PARD3: variants seen among roughly 807,000 people sequenced by gnomAD.
PARD3 encodes the protein par-3 family cell polarity regulator, also known as partitioning defective 3 homolog.
In PARD3, 75 loss-of-function variants were observed where a neutral mutation model predicts 155.4. That is an observed-to-expected ratio of 0.48 (90% CI 0.40 to 0.58). The LOEUF (loss-of-function observed/expected upper bound fraction) is 0.58, where lower values mean the gene tolerates loss of function less well. PARD3 is among the 20% of genes least tolerant of loss of function. PARD3 has a pLI of 0.00. For missense variants in PARD3, 1,642 were observed against 1,721.7 expected (o/e 0.95, Z 0.82); for synonymous variants, 576 against 610.5 (o/e 0.94, Z 0.83).
chr10:34,740,364 A>G (rs2094986826), intron 1 of PARD3, among the ~76,000 whole-genome samples: 1 of 152,230 alleles, frequency 6.6e-6, no homozygotes, highest in African/African-American at 2.4e-5. Flanking sequence ...AAAATGGATC[A>G]GTGCATCTGG....
At chr10:34,627,163 G>A (rs2092019211) in intron 2 of PARD3, among the ~76,000 whole-genome samples, 1 of 151,976 alleles carries the variant, frequency 6.6e-6, no homozygotes, top group Admixed American at 6.6e-5. Context: ...AAGTAGCTGG[G>A]ACCACAGGCA....
At chr10:34,575,200 C>G (rs1454446361) in intron 2 of PARD3, among the ~76,000 whole-genome samples, 1 of 152,186 alleles carries the variant, frequency 6.6e-6, no homozygotes, top group Non-Finnish European at 1.5e-5. Context: ...TGCACAAATT[C>G]TTAAACCAGA....
intron 14 of PARD3, among the ~76,000 whole-genome samples, chr10:34,355,708 C>G (rs1336287269): frequency 6.6e-6 from 1 of 152,002 alleles, no homozygotes; most frequent in Non-Finnish European, 1.5e-5. Flanking sequence ...GTGGGCAGAT[C>G]ACAAGGTCAG....
At chr10:34,248,745 C>T (rs1212557253) in intron 22 of PARD3, among the ~76,000 whole-genome samples, 1 of 152,172 alleles carries the variant, frequency 6.6e-6, no homozygotes, top group Non-Finnish European at 1.5e-5. Flanking sequence ...AATGAAGAGA[C>T]AGTCTATACT....
At chr10:34,206,666 C>A (rs1051437671) in intron 22 of PARD3, among the ~76,000 whole-genome samples, 3 of 152,206 alleles carry the variant, frequency 2.0e-5, no homozygotes, top group African/African-American at 7.2e-5. Context: ...ATGTTTATAT[C>A]CACTTTTAAC....
chr10:34,652,172 T>C (rs2093032694), intron 2 of PARD3, among the ~76,000 whole-genome samples: 1 of 152,182 alleles, frequency 6.6e-6, no homozygotes. Context: ...TCTAAGCAGC[T>C]GGGACAAGAA....
intron 21 of PARD3, 64 bp downstream of exon 21, chr10:34,284,071 A>C: frequency 1.1e-6 from 1 of 903,560 alleles, no homozygotes; most frequent in Non-Finnish European, 1.8e-6. Flanking sequence ...AAAAAGAAGA[A>C]AGTAGAAAGA....
intron 14 of PARD3, among the ~76,000 whole-genome samples, chr10:34,357,762 G>A (rs1254853142): frequency 5.3e-5 from 8 of 152,008 alleles, no homozygotes; most frequent in East Asian, 1.9e-4. Context: ...TCTTGATATC[G>A]CAATTAATTT....
intron 20 of PARD3, among the ~76,000 whole-genome samples, chr10:34,310,787 C>T (rs1957659959): frequency 6.6e-6 from 1 of 152,192 alleles, no homozygotes; most frequent in Admixed American, 6.5e-5. Context: ...TTAATAGAAG[C>T]ATACATTAAG....
At position 34,487,239 on chromosome 10, in the gene PARD3, G is replaced by A. The variant is rs573944886; in HGVS notation, c.404-16976C>T. Among the ~76,000 whole-genome samples, 22 of 152,032 alleles carry A rather than the reference G, an allele frequency of 1.4e-4. No homozygotes were observed. The South Asian group carries it at 4.6e-3, about 32-fold the overall frequency. ...GCCGGGCAGGCATTGCCATCTCTGA[G>A]AAGTTTAAAAGGTTTCTACAGACTA... On this transcript the variant is annotated intron_variant, in intron 3 of 24. Coordinates refer to ENST00000374788, the MANE Select transcript of PARD3 (RefSeq NM_001184785.2).
chr10:34,628,882 T>C lies in PARD3; in HGVS notation c.222+67436A>G, dbSNP rs118126417. 2.1e-3 allele frequency among the ~76,000 whole-genome samples: 313 copies of C among 152,110 alleles called. 1 individual carries two copies. The highest frequency in any genetic ancestry group is 3.6e-3 in the Non-Finnish European group (247 of 67,982). On this transcript the variant is annotated intron_variant, in intron 2 of 24. Transcript: ENST00000374788. Reference sequence around the variant, plus strand: ...TTCCACGCATTACAGAGAGGAGTGGTTCACGACACCAGCCAATGTTGCAGG... The same window carrying C: ...TTCCACGCATTACAGAGAGGAGTGGCTCACGACACCAGCCAATGTTGCAGG...
chr10:34,366,468 A>C (rs548867654), intron 12 of PARD3, among the ~76,000 whole-genome samples: 11 of 152,240 alleles, frequency 7.2e-5, no homozygotes, highest in African/African-American at 2.6e-4. Flanking sequence ...TCATAAATTG[A>C]GGGGCACCTG....
chr10:34,561,154 T>C (rs1005285275), intron 2 of PARD3, among the ~76,000 whole-genome samples: 14 of 152,160 alleles, frequency 9.2e-5, no homozygotes, highest in Non-Finnish European at 1.9e-4. Flanking sequence ...CCGACTCTAA[T>C]CTTGAGGGGT....
intron 1 of PARD3, among the ~76,000 whole-genome samples, chr10:34,714,957 A>G (rs2133670525): frequency 6.6e-6 from 1 of 151,860 alleles, no homozygotes; most frequent in Non-Finnish European, 1.5e-5. Context: ...TATTTTTTGT[A>G]GAGACGGCGT....
chr10:34,518,838 C>G (rs1277416367), intron 2 of PARD3, among the ~76,000 whole-genome samples: 1 of 152,094 alleles, frequency 6.6e-6, no homozygotes, highest in Non-Finnish European at 1.5e-5. Flanking sequence ...CAAAATGTCT[C>G]CCCAGAAGAG....
intron 1 of PARD3, among the ~76,000 whole-genome samples, chr10:34,700,196 C>A (rs1008500024): frequency 6.6e-6 from 1 of 152,152 alleles, no homozygotes; most frequent in African/African-American, 2.4e-5. Flanking sequence ...CCAAACCCAC[C>A]GAAGAAACCT....
chr10:34,155,326 A>G (rs1436461024), intron 22 of PARD3, among the ~76,000 whole-genome samples: 15 of 152,226 alleles, frequency 9.9e-5, no homozygotes, highest in Admixed American at 9.8e-4. Flanking sequence ...CTAAAACCCC[A>G]CCAAAATGCC....
At chr10:34,632,227 C>T (rs139114244) in intron 2 of PARD3, among the ~76,000 whole-genome samples, 1,974 of 152,322 alleles carry the variant, frequency 0.013, 43 homozygotes, top group African/African-American at 0.045. Flanking sequence ...CCACTACACT[C>T]CAGCCTGGGC....
intron 22 of PARD3, among the ~76,000 whole-genome samples, chr10:34,216,302 C>G (rs1952000628): frequency 6.6e-6 from 1 of 152,216 alleles, no homozygotes; most frequent in Admixed American, 6.5e-5. Flanking sequence ...GAGAACAACA[C>G]TGGATGATCT....
Sources: gnomAD v4.1 joint callset for allele counts (sites outside exome capture counted in the v4.1 genomes callset) on GRCh38, gnomAD v4.1.1 for gene constraint, MANE v1.5 for transcripts, NCBI Gene and HGNC (gene_info 2026-07-23, HGNC 2026-07-21) for gene names.